Variants in PLA2R1 observed in about 807,000 individuals in gnomAD.
PLA2R1 encodes the protein secretory phospholipase A2 receptor.
A neutral mutation model predicts 195.9 loss-of-function variants in PLA2R1; 158 were observed. The observed-to-expected ratio is 0.81, with a 90% confidence interval of 0.71 to 0.92. The LOEUF (loss-of-function observed/expected upper bound fraction) is 0.92, where lower values mean the gene tolerates loss of function less well. Among genes scored for constraint, PLA2R1 ranks in the 40% least tolerant of loss-of-function variants. The pLI is 0.00. For missense variants in PLA2R1, 1,626 were observed against 1,764.6 expected (o/e 0.92, Z 1.41); for synonymous variants, 586 against 598.2 (o/e 0.98, Z 0.30).
Position 159,955,788 on chromosome 2 carries a change from C to T in PLA2R1, c.3063G>A (p.Val1021=). Residue 1021 remains valine, a synonymous_variant, in exon 22 of 30, where the codon GTG becomes GTA. Coordinates refer to ENST00000283243, the MANE Select transcript of PLA2R1 (RefSeq NM_007366.5). ...TMNLFGQTTS[V]WIGLQNDDYE... is the part of the protein sequence containing the mutation. ...AATCATCATTTTGTAAACCTATCCA[C>T]ACACTGGTGGTCTGGCCAAAAAGAT... The T allele has an allele frequency of 2.5e-6, 4 of 1,598,758 alleles. No individual in the cohort carries two copies. The highest frequency in any genetic ancestry group is 3.4e-6 in the Non-Finnish European group (4 of 1,169,446).
In PLA2R1 at chr2:159,986,589, CTT is replaced by C. The variant is rs113333927; in HGVS notation, c.2037+565_2037+566del. Among the ~76,000 whole-genome samples the C allele has an allele frequency of 4.5e-3, 638 of 142,130 alleles. 2 individuals carry two copies. Among genetic ancestry groups the C allele is most frequent in the Non-Finnish European group, 6.2e-3 (403 of 64,766 alleles). The allele number at this position is 142,130 out of a possible 152,430, so 93.2% of individuals were successfully genotyped here. On this transcript the variant is annotated intron_variant, in intron 12 of 29. Coordinates refer to ENST00000283243, the MANE Select transcript of PLA2R1 (RefSeq NM_007366.5). ...TAGCGCATGCTATTTCTTTTCTTTCCTTTTTTTTTTTTTTTGATATAGAGACT... is the reference window on the plus strand; with the variant it reads ...TAGCGCATGCTATTTCTTTTCTTTCCTTTTTTTTTTTTTGATATAGAGACT...
chr2:159,992,379 CAGAG>C (rs1307870241), intron 11 of PLA2R1, among the ~76,000 whole-genome samples: 1 of 150,340 alleles, frequency 6.7e-6, no homozygotes, highest in Non-Finnish European at 1.5e-5. Context: ...AACAGACAAA[CAGAG>C]AGCCAAATCA....
intron 6 of PLA2R1, among the ~76,000 whole-genome samples, chr2:160,024,342 T>C (rs1468310009): frequency 6.6e-6 from 1 of 152,160 alleles, no homozygotes; most frequent in East Asian, 1.9e-4. Context: ...TGCCACGAGC[T>C]GCTCCATCTA....
chr2:159,964,063 G>T (rs984871089), intron 20 of PLA2R1, among the ~76,000 whole-genome samples: 1 of 152,076 alleles, frequency 6.6e-6, no homozygotes, highest in Non-Finnish European at 1.5e-5. Context: ...ATATTATTCA[G>T]CCACAAGAAG....
At chr2:160,046,281 C>T (rs773094648) in intron 1 of PLA2R1, among the ~76,000 whole-genome samples, 17 of 152,198 alleles carry the variant, frequency 1.1e-4, no homozygotes, top group African/African-American at 2.7e-4. Flanking sequence ...GAGGCCCAGG[C>T]GCTCTTTTGT....
At position 159,991,435 on chromosome 2, in the gene PLA2R1, CTTTCT is replaced by C. The variant is rs1473263873; in HGVS notation, c.1835-4082_1835-4078del. 1.6e-4 allele frequency among the ~76,000 whole-genome samples: 16 copies of C among 97,952 alleles called. No homozygotes were observed. The East Asian group carries it at 4.2e-3, about 26-fold the overall frequency. 64.3% of individuals were successfully genotyped at this position (97,952 alleles called of 152,430 possible). On this transcript the variant is annotated intron_variant, in intron 11 of 29. Coordinates refer to ENST00000283243, the MANE Select transcript of PLA2R1 (RefSeq NM_007366.5). Reference sequence around the variant, plus strand: ...ACAGGCTGAAAGTGCAGGGCACTTTCTTTCTTTTTTTTTTTTTTTTAAGTTTTTCT... The same window carrying C: ...ACAGGCTGAAAGTGCAGGGCACTTTCTTTTTTTTTTTTTTTAAGTTTTTCT...
At chr2:159,944,706 T>C (rs892406127) in intron 28 of PLA2R1, among the ~76,000 whole-genome samples, 200 bp downstream of exon 28, 2 of 152,348 alleles carry the variant, frequency 1.3e-5, no homozygotes, top group African/African-American at 2.4e-5. Flanking sequence ...AGTTGACTTA[T>C]AATGATTTTT....
At chr2:159,949,138 C>T (rs1687567532) in intron 25 of PLA2R1, among the ~76,000 whole-genome samples, 1 of 152,148 alleles carries the variant, frequency 6.6e-6, no homozygotes, top group Admixed American at 6.5e-5. Context: ...AAGTCCTCCA[C>T]ACATGCTTGA....
At chr2:159,989,177 A>C (rs183653447) in intron 11 of PLA2R1, among the ~76,000 whole-genome samples, 220 of 152,334 alleles carry the variant, frequency 1.4e-3, no homozygotes, top group African/African-American at 4.9e-3. Flanking sequence ...GCTGGTGTTA[A>C]AGATGCAAGG....
Position 160,062,326 on chromosome 2 carries a change from C to T in PLA2R1, c.78G>A (p.Ala26=). 1 of 1,525,674 alleles carries T rather than the reference C, an allele frequency of 6.6e-7. No homozygotes were observed. The highest frequency in any genetic ancestry group is 8.8e-7 in the Non-Finnish European group (1 of 1,136,772). The allele number at this position is 1,525,674 out of a possible 1,614,324, so 94.5% of individuals were successfully genotyped here. The change falls in exon 1 of 30, where the codon GCG becomes GCA. Residue 26 remains alanine, a synonymous_variant. Coordinates refer to ENST00000283243, the MANE Select transcript of PLA2R1 (RefSeq NM_007366.5). ...ACTCCAGGAGCCGCTCGGGGGTAAGCGCCGCCGCCACACCCTCGGCGCAGC... is the reference window on the plus strand; with the variant it reads ...ACTCCAGGAGCCGCTCGGGGGTAAGTGCCGCCGCCACACCCTCGGCGCAGC... ...PRGCAEGVAA[A]LTPERLLEWQ...
chr2:160,001,662 C>G (rs1691604538), intron 11 of PLA2R1, among the ~76,000 whole-genome samples: 1 of 151,936 alleles, frequency 6.6e-6, no homozygotes, highest in African/African-American at 2.4e-5. Flanking sequence ...ACTGTAGCTA[C>G]ATTCATGGAC....
rs545209892 is a variant in PLA2R1, at chr2:159,986,802, G to T, written c.2037+354C>A. On this transcript the variant is annotated intron_variant, in intron 12 of 29. Coordinates refer to ENST00000283243, the MANE Select transcript of PLA2R1 (RefSeq NM_007366.5). ...GGATTTCACCATGTTGGCCAGGCTG[G>T]TCTGGAACTCCTGACTTCAAGTGAG... Among the ~76,000 whole-genome samples the T allele has an allele frequency of 1.5e-4, 23 of 152,174 alleles. No homozygotes were observed. The East Asian group carries it at 2.9e-3, about 19-fold the overall frequency.
intron 10 of PLA2R1, among the ~76,000 whole-genome samples, chr2:160,006,124 CA>C (rs2105398942): frequency 6.6e-6 from 1 of 152,290 alleles, no homozygotes; most frequent in African/African-American, 2.4e-5. Flanking sequence ...ACATGGCCAG[CA>C]ATGCATTTCT....
At chr2:159,985,225 C>T (rs1690243151) in intron 12 of PLA2R1, among the ~76,000 whole-genome samples, 1 of 152,166 alleles carries the variant, frequency 6.6e-6, no homozygotes, top group African/African-American at 2.4e-5. Context: ...GGCGAGGCCA[C>T]TTTTGGGCCT....
At chr2:160,030,014 C>T (rs769895040) in intron 4 of PLA2R1, among the ~76,000 whole-genome samples, 7 of 152,180 alleles carry the variant, frequency 4.6e-5, no homozygotes, top group South Asian at 2.1e-4. Flanking sequence ...ACTCATGGTT[C>T]ATGCTGGTAT....
chr2:160,046,463 G>A (rs759446636), intron 1 of PLA2R1, among the ~76,000 whole-genome samples: 16 of 152,178 alleles, frequency 1.1e-4, no homozygotes, highest in East Asian at 3.8e-4. Context: ...AGTGCAGGAC[G>A]GGCCTCCTCA....
chr2:160,044,753 G>A (rs2105613820), intron 2 of PLA2R1, 21 bp downstream of exon 2: 1 of 1,591,378 alleles, frequency 6.3e-7, no homozygotes, highest in Non-Finnish European at 8.6e-7. Context: ...TTCCCTGAGT[G>A]CTTCTTTAAA....
chr2:160,013,299 T>C lies in PLA2R1; in HGVS notation c.1628A>G (p.Tyr543Cys), dbSNP rs1049610698. The change falls in exon 10 of 30, where the codon TAT becomes TGT. Residue 543 changes from tyrosine to cysteine, a missense_variant. Transcript: ENST00000283243. ...LRSFDQASSG[Y>C]YCPPALVTIT... ...GGTTACAAGTGCAGGAGGACAGTAA[T>C]AACCGCTGGAAGCTTGGTCAAAGCT... 1 of 1,610,054 alleles carries C rather than the reference T, an allele frequency of 6.2e-7. No individual in the cohort carries two copies. Among genetic ancestry groups the C allele is most frequent in the Non-Finnish European group, 8.5e-7 (1 of 1,176,486 alleles).
At position 159,956,560 on chromosome 2, in the gene PLA2R1, C is replaced by T. The variant is rs377389524; in HGVS notation, c.2972G>A (p.Cys991Tyr). The T allele has an allele frequency of 1.2e-6, 2 of 1,613,730 alleles. No individual in the cohort carries two copies. The highest frequency in any genetic ancestry group is 1.3e-5 in the African/African-American group (1 of 74,922). The part of the protein sequence containing the change: ...WKNWTHAQHF[C>Y]AEEGGTLVAI... ...GACCAGGGTCCCCCCTTCTTCAGCACAGAAATGTTGAGCATGCGTCCAGTT... is the reference window on the plus strand; with the variant it reads ...GACCAGGGTCCCCCCTTCTTCAGCATAGAAATGTTGAGCATGCGTCCAGTT... Residue 991 changes from cysteine to tyrosine, a missense_variant, in exon 21 of 30, where the codon TGT becomes TAT. Transcript: ENST00000283243.
Sources: gnomAD v4.1 joint callset for allele counts (sites outside exome capture counted in the v4.1 genomes callset) on GRCh38, gnomAD v4.1.1 for gene constraint, MANE v1.5 for transcripts, NCBI Gene and HGNC (gene_info 2026-07-23, HGNC 2026-07-21) for gene names.